Variants in PRDM11 observed in about 807,000 individuals in gnomAD.
The protein encoded by PRDM11 is PR/SET domain 11.
PRDM11 carries 20 observed loss-of-function variants against 97.8 expected under a neutral mutation model. That is an observed-to-expected ratio of 0.20 (90% CI 0.14 to 0.30). PRDM11 has a LOEUF of 0.30. Among genes scored for constraint, PRDM11 ranks in the 10% least tolerant of loss-of-function variants. The pLI, the probability that PRDM11 is intolerant of heterozygous loss-of-function variation, is 1.00. For missense variants in PRDM11, 1,139 were observed against 1,555.2 expected (o/e 0.73, Z 4.50); for synonymous variants, 599 against 637.7 (o/e 0.94, Z 0.91).
rs1047517413 is a variant in PRDM11, at chr11:45,228,898, T to C, written c.*739T>C. ...TGGATCCCTTCCTTCCAGCCCCCCC[T>C]GGAAACTCACAATATTACCCATTAT... On this transcript the variant is annotated 3_prime_UTR_variant, in exon 8 of 8. Coordinates refer to ENST00000683152, the MANE Select transcript of PRDM11 (RefSeq NM_001384648.1). The C allele has an allele frequency of 2.6e-5, 4 of 152,174 alleles. No homozygotes were observed. Among genetic ancestry groups the C allele is most frequent in the African/African-American group, 9.7e-5 (4 of 41,418 alleles). The allele number at this position is 152,174 out of a possible 1,614,324, so 9.4% of individuals were successfully genotyped here.
chr11:45,096,439 G>A (rs1465404647), intron 1 of PRDM11, among the ~76,000 whole-genome samples: 1 of 152,174 alleles, frequency 6.6e-6, no homozygotes, highest in East Asian at 1.9e-4. Flanking sequence ...AGAAACTGAA[G>A]TTGTGAGATT....
chr11:45,150,463 T>C (rs1035923256), intron 1 of PRDM11, among the ~76,000 whole-genome samples: 3 of 152,092 alleles, frequency 2.0e-5, no homozygotes, highest in African/African-American at 7.2e-5. Context: ...TCCTTAAGCA[T>C]AGATAGAAGG....
At chr11:45,102,473 G>A (rs1851994728) in intron 1 of PRDM11, among the ~76,000 whole-genome samples, 1 of 152,202 alleles carries the variant, frequency 6.6e-6, no homozygotes, top group South Asian at 2.1e-4. Flanking sequence ...GGCATGAGGG[G>A]AAGCACCCCA....
intron 1 of PRDM11, among the ~76,000 whole-genome samples, chr11:45,156,372 C>CT (rs1473988401): frequency 6.6e-6 from 1 of 152,198 alleles, no homozygotes; most frequent in Non-Finnish European, 1.5e-5. Flanking sequence ...CCCTTGTGCT[C>CT]TGGGGTCCAG....
chr11:45,098,775 C>A (rs1464812448), intron 1 of PRDM11, among the ~76,000 whole-genome samples: 1 of 152,002 alleles, frequency 6.6e-6, no homozygotes. Flanking sequence ...CACTGTGAAG[C>A]CTGAGAAAGG....
intron 1 of PRDM11, among the ~76,000 whole-genome samples, chr11:45,096,366 C>A (rs1851887107): frequency 6.6e-6 from 1 of 152,222 alleles, no homozygotes; most frequent in Non-Finnish European, 1.5e-5. Flanking sequence ...TTTAGGTAAA[C>A]CATTTCATTC....
At chr11:45,194,888 G>A (rs1240397342) in intron 4 of PRDM11, among the ~76,000 whole-genome samples, 3 of 152,044 alleles carry the variant, frequency 2.0e-5, no homozygotes, top group East Asian at 1.9e-4. Flanking sequence ...GTGAGCCACC[G>A]CGCCCGGCCA....
At chr11:45,203,349 G>A (rs2135793281) in intron 4 of PRDM11, among the ~76,000 whole-genome samples, 1 of 151,716 alleles carries the variant, frequency 6.6e-6, no homozygotes, top group South Asian at 2.1e-4. Context: ...GAGGCAGGAT[G>A]TATAAAAGGG....
At chr11:45,208,866 AACCCAAGGAATGTGGCAC>A (rs1232344237) in intron 5 of PRDM11, 2 of 429,738 alleles carry the variant, frequency 4.7e-6, no homozygotes, top group African/African-American at 4.0e-5. Flanking sequence ...TGGGATATTC[AACCCAAGGAATGTGGCAC>A]ACCTGGCTGA....
At chr11:45,096,475 G>T (rs1380979314) in intron 1 of PRDM11, among the ~76,000 whole-genome samples, 1 of 152,196 alleles carries the variant, frequency 6.6e-6, no homozygotes, top group Non-Finnish European at 1.5e-5. Flanking sequence ...TCAGATCCCA[G>T]AGATCTAAGC....
intron 6 of PRDM11, among the ~76,000 whole-genome samples, chr11:45,220,252 G>T (rs1854082437): frequency 6.6e-6 from 1 of 152,182 alleles, no homozygotes; most frequent in African/African-American, 2.4e-5. Context: ...TAGAAGAAAT[G>T]ACCTTTCATT....
intron 1 of PRDM11, among the ~76,000 whole-genome samples, chr11:45,170,446 T>C (rs1028929412): frequency 1.3e-5 from 2 of 152,022 alleles, no homozygotes; most frequent in South Asian, 4.1e-4. Flanking sequence ...AGTGAATGCC[T>C]AGAGGGAGTA....
At chr11:45,224,885 C>T (rs753369661) in intron 7 of PRDM11, 42 bp downstream of exon 7, 10 of 1,606,166 alleles carry the variant, frequency 6.2e-6, no homozygotes, top group African/African-American at 4.0e-5. Flanking sequence ...GGGCAGAGTA[C>T]GCAGTGGGCT....
At chr11:45,143,891 T>C (rs560945828), upstream of PRDM11, among the ~76,000 whole-genome samples, 34 of 152,298 alleles carry the variant, frequency 2.2e-4, no homozygotes, top group East Asian at 3.9e-4. Context: ...GGAGCTCTTA[T>C]CTCATCCCTA....
intron 1 of PRDM11, among the ~76,000 whole-genome samples, chr11:45,167,454 C>T (rs1361929305): frequency 2.6e-5 from 4 of 152,234 alleles, no homozygotes; most frequent in East Asian, 3.9e-4. Context: ...ACCCTACTCC[C>T]GAGTCCCATG....
chr11:45,226,620 G>T lies in PRDM11; in HGVS notation c.1995G>T (p.Gln665His). 2.0e-6 allele frequency: 3 copies of T among 1,534,000 alleles called. No homozygotes were observed. The highest frequency in any genetic ancestry group is 2.6e-6 in the Non-Finnish European group (3 of 1,146,744). The change falls in exon 8 of 8, where the codon CAG (glutamine) becomes CAT (histidine). Residue 665 changes from glutamine to histidine, a missense_variant. Gln to His is a conservative substitution (Grantham distance 24, BLOSUM62 0). Transcript: ENST00000683152. ...GCCTCAGCGTCATCCTGGATGGGCA[G>T]AGCGACGACCTGCTGGCCGACACGG... Reference protein sequence around the residue: ...SPCLSVILDGQSDDLLADTVA... With the variant: ...SPCLSVILDGHSDDLLADTVA...
At position 45,230,411 on chromosome 11, in the gene PRDM11, C is replaced by G. The variant is rs1854377351; in HGVS notation, c.*2252C>G. 2.0e-5 allele frequency: 3 copies of G among 152,294 alleles called. No individual in the cohort carries two copies. Among genetic ancestry groups the G allele is most frequent in the Admixed American group, 2.0e-4 (3 of 15,300 alleles). The allele number at this position is 152,294 out of a possible 1,614,324, so 9.4% of individuals were successfully genotyped here. A position where few individuals can be genotyped will look rare whatever the true frequency, so the allele number is the denominator to read the frequency against. ...AGCCTCCTTCTGAGGCTTTGAGATT[C>G]CCAGCCCCATTCCACTTCCCCACTT... On this transcript the variant is annotated 3_prime_UTR_variant, in exon 8 of 8. Coordinates refer to ENST00000683152, the MANE Select transcript of PRDM11 (RefSeq NM_001384648.1).
At chr11:45,213,249 T>C (rs1376542982) in intron 5 of PRDM11, 2 of 456,422 alleles carry the variant, frequency 4.4e-6, no homozygotes, top group Non-Finnish European at 8.8e-6. Flanking sequence ...TGGCGGATGC[T>C]GAAGATGCAA....
At chr11:45,139,468 G>A (rs1852949608) in intron 1 of PRDM11, among the ~76,000 whole-genome samples, 1 of 150,970 alleles carries the variant, frequency 6.6e-6, no homozygotes, top group Admixed American at 6.6e-5. Flanking sequence ...TTGGGAGGCT[G>A]AGGCAGGAGA....
Sources: gnomAD v4.1 joint callset for allele counts (sites outside exome capture counted in the v4.1 genomes callset) on GRCh38, gnomAD v4.1.1 for gene constraint, MANE v1.5 for transcripts, NCBI Gene and HGNC (gene_info 2026-07-23, HGNC 2026-07-21) for gene names.